Variants in ASAP1 observed in about 807,000 individuals in gnomAD.
ASAP1 encodes the protein arf-GAP with SH3 domain, ANK repeat and PH domain-containing protein 1.
A neutral mutation model predicts 145.2 loss-of-function variants in ASAP1; 43 were observed. The ratio of observed to expected loss-of-function variants is 0.30; its 90% confidence interval spans 0.23 to 0.38. The LOEUF (loss-of-function observed/expected upper bound fraction) is 0.38. ASAP1 is among the 10% of genes least tolerant of loss of function. The pLI is 1.00. For missense variants in ASAP1, 1,018 were observed against 1,355.3 expected (o/e 0.75, Z 3.91); for synonymous variants, 546 against 515.5 (o/e 1.06, Z -0.80).
intron 4 of ASAP1, among the ~76,000 whole-genome samples, chr8:130,217,301 CT>C (rs890772957): frequency 6.0e-4 from 91 of 150,808 alleles, no homozygotes; most frequent in African/African-American, 1.8e-3. Flanking sequence ...AAAGTCATAT[CT>C]TTTTTTTTGG....
chr8:130,258,476 A>C (rs573536384), intron 3 of ASAP1, among the ~76,000 whole-genome samples: 56 of 152,328 alleles, frequency 3.7e-4, no homozygotes, highest in Non-Finnish European at 7.2e-4. Flanking sequence ...GTTTTAAAAC[A>C]CTGAGTGTAT....
At chr8:130,130,974 G>A (rs1377239793) in intron 15 of ASAP1, among the ~76,000 whole-genome samples, 1 of 152,112 alleles carries the variant, frequency 6.6e-6, no homozygotes, top group African/African-American at 2.4e-5. Flanking sequence ...GGCTAACACG[G>A]TGAAACCCCA....
chr8:130,200,686 T>C (rs1406484597), intron 5 of ASAP1, among the ~76,000 whole-genome samples: 6 of 152,196 alleles, frequency 3.9e-5, no homozygotes, highest in Non-Finnish European at 5.9e-5. Context: ...ATTTTTATTT[T>C]AGTCTTTTTC....
At chr8:130,405,732 AACTAATTCGAAGTAGGT>A (rs1828998083) in intron 1 of ASAP1, among the ~76,000 whole-genome samples, 1 of 152,210 alleles carries the variant, frequency 6.6e-6, no homozygotes, top group African/African-American at 2.4e-5. Flanking sequence ...CTTGACTCTG[AACTAATTCGAAGTAGGT>A]TAGCAGCTAC....
At chr8:130,064,174 A>C (rs2123870) in intron 27 of ASAP1, among the ~76,000 whole-genome samples, 66,279 of 151,922 alleles carry the variant, frequency 0.44, 14,636 homozygotes, top group Admixed American at 0.49. Context: ...TTGAGAACAG[A>C]CTGCAGGACC....
chr8:130,179,383 A>T (rs776933525), intron 8 of ASAP1, 34 bp from the exon 9 acceptor site: 1 of 1,370,618 alleles, frequency 7.3e-7, no homozygotes, highest in East Asian at 2.3e-5. Context: ...GCGTTGATTA[A>T]TTCCAGATGG....
chr8:130,353,973 G>A (rs1392272681), intron 3 of ASAP1, among the ~76,000 whole-genome samples: 2 of 151,912 alleles, frequency 1.3e-5, no homozygotes, highest in South Asian at 2.1e-4. Flanking sequence ...TGCAAGCTCC[G>A]TCTCCCGGGT....
intron 9 of ASAP1, among the ~76,000 whole-genome samples, chr8:130,173,458 G>T (rs6991714): frequency 1.3e-5 from 2 of 151,942 alleles, no homozygotes; most frequent in Non-Finnish European, 2.9e-5. Flanking sequence ...GTTTTAGCTC[G>T]TCCTAGTTCA....
At chr8:130,437,368 G>A (rs1397497010) in intron 1 of ASAP1, among the ~76,000 whole-genome samples, 1 of 152,118 alleles carries the variant, frequency 6.6e-6, no homozygotes, top group Non-Finnish European at 1.5e-5. Flanking sequence ...CTGTAATAAC[G>A]GCTACCATCT....
chr8:130,425,617 A>T (rs997390867), intron 1 of ASAP1, among the ~76,000 whole-genome samples: 4 of 152,196 alleles, frequency 2.6e-5, no homozygotes. Context: ...AGATGTTTTG[A>T]AAAGGTTAAG....
At chr8:130,283,583 G>GAAAAAAAAAAAAAAAAAAA (rs745389921) in intron 3 of ASAP1, among the ~76,000 whole-genome samples, 1 of 98,792 alleles carries the variant, frequency 1.0e-5, no homozygotes, top group African/African-American at 4.2e-5. Context: ...CTCCATCACA[G>GAAAAAAAAAAAAAAAAAAA]AAAGAAAAAA....
chr8:130,435,185 A>T (rs1164816793), intron 1 of ASAP1, among the ~76,000 whole-genome samples: 1 of 152,238 alleles, frequency 6.6e-6, no homozygotes, highest in Non-Finnish European at 1.5e-5. Context: ...ACTGAGGTCC[A>T]CAGAGGATAA....
intron 1 of ASAP1, among the ~76,000 whole-genome samples, chr8:130,408,076 T>C (rs1367478000): frequency 6.6e-6 from 1 of 152,216 alleles, no homozygotes; most frequent in Admixed American, 6.5e-5. Context: ...CTAGTCCCAG[T>C]TGAAATTCCA....
chr8:130,344,868 G>A (rs1286054636), intron 3 of ASAP1, among the ~76,000 whole-genome samples: 2 of 152,158 alleles, frequency 1.3e-5, no homozygotes, highest in Admixed American at 6.5e-5. Flanking sequence ...GGAGGAAGGA[G>A]AATCTAATAA....
chr8:130,252,010 C>T (rs975914460), intron 3 of ASAP1, among the ~76,000 whole-genome samples: 1 of 152,124 alleles, frequency 6.6e-6, no homozygotes, highest in East Asian at 1.9e-4. Context: ...ACAACTGTTG[C>T]CATTTCCTCA....
At chr8:130,202,312 T>C (rs1815918234) in intron 5 of ASAP1, among the ~76,000 whole-genome samples, 1 of 152,180 alleles carries the variant, frequency 6.6e-6, no homozygotes, top group Non-Finnish European at 1.5e-5. Context: ...AAGCACAATG[T>C]TTTAAAAGTC....
rs562644714 is a variant in ASAP1 at position 130,267,851 on chromosome 8, C to T, written c.187-30857G>A. Among the ~76,000 whole-genome samples the T allele has an allele frequency of 2.6e-5, 4 of 152,268 alleles. No individual in the cohort carries two copies. In the East Asian group the frequency reaches 5.8e-4, roughly 22 times the overall value. On this transcript the variant is annotated intron_variant, in intron 3 of 29. Coordinates refer to ENST00000518721, the MANE Select transcript of ASAP1 (RefSeq NM_018482.4). ...GTGAGGCCCTCTCTCTAGAGAGAAA[C>T]TCAGGAAGTGTCCAGCCCAGAACTG...
intron 29 of ASAP1, among the ~76,000 whole-genome samples, chr8:130,055,278 G>T (rs897008340): frequency 2.0e-5 from 3 of 148,590 alleles, no homozygotes; most frequent in African/African-American, 7.5e-5. Context: ...CTCCAGGCTT[G>T]TGTGATACAT....
chr8:130,105,020 T>C (rs2097534664), intron 24 of ASAP1, among the ~76,000 whole-genome samples: 1 of 152,210 alleles, frequency 6.6e-6, no homozygotes, highest in African/African-American at 2.4e-5. Context: ...ATGAAGATTT[T>C]ATCACTTTCT....
Sources: gnomAD v4.1 joint callset for allele counts (sites outside exome capture counted in the v4.1 genomes callset) on GRCh38, gnomAD v4.1.1 for gene constraint, MANE v1.5 for transcripts, NCBI Gene and HGNC (gene_info 2026-07-23, HGNC 2026-07-21) for gene names.